The following DOCK3 variants were observed in gnomAD, a reference collection of about 807,000 sequenced individuals.
DOCK3 encodes the protein dedicator of cytokinesis protein 3.
DOCK3 carries 60 observed loss-of-function variants against 265.6 expected under a neutral mutation model. The ratio of observed to expected loss-of-function variants is 0.23; its 90% confidence interval spans 0.18 to 0.28. DOCK3 has a LOEUF of 0.28. Ranked by LOEUF, DOCK3 falls within the 10% of genes least tolerant of loss-of-function variation. The pLI is 1.00. For missense variants in DOCK3, 1,981 were observed against 2,594.3 expected (o/e 0.76, Z 5.14); for synonymous variants, 881 against 938.0 (o/e 0.94, Z 1.11).
At chr3:50,772,675 AAAC>A (rs777989873) in intron 1 of DOCK3, among the ~76,000 whole-genome samples, 2 of 152,206 alleles carry the variant, frequency 1.3e-5, no homozygotes, top group Non-Finnish European at 2.9e-5. Context: ...GAAATCAAGA[AAAC>A]AATCTCATAT....
At chr3:50,806,799 C>G (rs1236430224) in intron 2 of DOCK3, among the ~76,000 whole-genome samples, 2 of 152,100 alleles carry the variant, frequency 1.3e-5, no homozygotes, top group African/African-American at 2.4e-5. Flanking sequence ...TGGCTCTAGT[C>G]TCAAGATGGT....
chr3:51,230,173 C>G (rs2090486332), intron 19 of DOCK3, among the ~76,000 whole-genome samples: 1 of 152,096 alleles, frequency 6.6e-6, no homozygotes, highest in Non-Finnish European at 1.5e-5. Flanking sequence ...AGGTTTGTTA[C>G]GTAGATGCAT....
chr3:51,169,289 A>T (rs2086561820), intron 12 of DOCK3, among the ~76,000 whole-genome samples: 1 of 152,242 alleles, frequency 6.6e-6, no homozygotes, highest in Non-Finnish European at 1.5e-5. Flanking sequence ...ATGCACATGT[A>T]TGTTCATTGT....
At chr3:50,968,267 A>C (rs2077090655) in intron 5 of DOCK3, among the ~76,000 whole-genome samples, 1 of 152,018 alleles carries the variant, frequency 6.6e-6, no homozygotes, top group South Asian at 2.1e-4. Flanking sequence ...CCTGAGCTCA[A>C]GAAATCCTCC....
chr3:50,983,780 A>T (rs185474926), intron 5 of DOCK3, among the ~76,000 whole-genome samples: 2 of 152,280 alleles, frequency 1.3e-5, no homozygotes, highest in East Asian at 3.9e-4. Flanking sequence ...AAGAGCTATA[A>T]CACAAACAGG....
At chr3:51,134,752 G>A (rs2084717644) in intron 9 of DOCK3, among the ~76,000 whole-genome samples, 1 of 152,130 alleles carries the variant, frequency 6.6e-6, no homozygotes, top group Admixed American at 6.6e-5. Context: ...CCATGGAACC[G>A]AATTTTCCAC....
intron 22 of DOCK3, among the ~76,000 whole-genome samples, chr3:51,259,655 C>G (rs1460735722): frequency 1.3e-5 from 2 of 151,950 alleles, no homozygotes; most frequent in Non-Finnish European, 2.9e-5. Context: ...TTCTGTGACC[C>G]CTGGTGAAAA....
chr3:50,699,770 G>A (rs566449807), intron 1 of DOCK3, among the ~76,000 whole-genome samples: 30 of 152,294 alleles, frequency 2.0e-4, no homozygotes, highest in East Asian at 9.6e-4. Context: ...CAGCTATCAG[G>A]AAGGATCCAC....
At chr3:51,208,227 G>A (rs2089323866) in intron 12 of DOCK3, among the ~76,000 whole-genome samples, 1 of 152,154 alleles carries the variant, frequency 6.6e-6, no homozygotes, top group South Asian at 2.1e-4. Context: ...AGACTTCATG[G>A]TAAATCAAGC....
intron 9 of DOCK3, among the ~76,000 whole-genome samples, chr3:51,141,297 G>T (rs2085056524): frequency 5.8e-5 from 2 of 34,572 alleles, no homozygotes; most frequent in East Asian, 9.2e-4. Context: ...ATTTCCTGGA[G>T]AGTTTTTTTT....
intron 5 of DOCK3, among the ~76,000 whole-genome samples, chr3:51,031,098 CAG>C (rs1248388131): frequency 1.3e-5 from 2 of 152,216 alleles, no homozygotes; most frequent in Non-Finnish European, 2.9e-5. Flanking sequence ...CACTAGGACA[CAG>C]AAATTTTCAT....
intron 4 of DOCK3, among the ~76,000 whole-genome samples, 164 bp downstream of exon 4, chr3:50,890,245 A>G (rs981143556): frequency 2.6e-5 from 4 of 152,120 alleles, no homozygotes; most frequent in African/African-American, 7.2e-5. Context: ...TTTTCTTAAA[A>G]TACAGACTTT....
intron 1 of DOCK3, among the ~76,000 whole-genome samples, chr3:50,701,133 T>G (rs1269487840): frequency 6.6e-6 from 1 of 150,710 alleles, no homozygotes; most frequent in Non-Finnish European, 1.5e-5. Flanking sequence ...CCTTGTTTTT[T>G]TTTTTTTTTT....
intron 5 of DOCK3, among the ~76,000 whole-genome samples, chr3:51,012,041 G>T (rs1051411337): frequency 6.6e-6 from 1 of 152,124 alleles, no homozygotes; most frequent in Non-Finnish European, 1.5e-5. Context: ...CCTACTGGGG[G>T]GTCCCTCCCA....
intron 10 of DOCK3, among the ~76,000 whole-genome samples, chr3:51,155,926 G>A (rs762186759): frequency 2.0e-5 from 3 of 152,104 alleles, no homozygotes; most frequent in Non-Finnish European, 2.9e-5. Flanking sequence ...ATGAATAAAT[G>A]TTTATTTGCT....
chr3:51,214,143 T>C lies in DOCK3; in HGVS notation c.1148T>C (p.Leu383Pro), dbSNP rs779799634. 3 of 1,613,748 alleles carry C rather than the reference T, an allele frequency of 1.9e-6. No individual in the cohort carries two copies. In the African/African-American group the frequency reaches 4.0e-5, roughly 22 times the overall value. ...GCAGGTCTTATCATTTCTCTGCAGC[T>C]TCTTCGTGGAGACATGGAACAGATT... ...ASHGLIISLQ[L>P]LRGDMEQIRR... Residue 383 changes from leucine (L) to proline (P), a missense_variant, in exon 14 of 53, where the codon CTT (leucine) becomes CCT (proline). Leu to Pro is a moderately conservative substitution (Grantham distance 98). Transcript: ENST00000266037.
chr3:51,252,941 A>G (rs370548905), intron 22 of DOCK3, among the ~76,000 whole-genome samples: 4 of 152,174 alleles, frequency 2.6e-5, no homozygotes, highest in East Asian at 3.8e-4. Context: ...GTCTTGTGCC[A>G]GTTTTCAAAG....
chr3:50,988,799 G>A lies in DOCK3; in HGVS notation c.315+54722G>A, dbSNP rs560159188. Among the ~76,000 whole-genome samples the A allele has an allele frequency of 2.6e-5, 4 of 152,292 alleles. No individual in the cohort carries two copies. The East Asian group carries it at 5.8e-4, about 22-fold the overall frequency. ...TACGGAAAAGTGGCCAGACTGTTAT[G>A]TGGTCACCCATTCCCATATATCCTC... is the stretch of plus-strand genomic sequence containing the variant. On this transcript the variant is annotated intron_variant, in intron 5 of 52. Transcript: ENST00000266037.
chr3:51,040,582 A>C (rs937276997), intron 5 of DOCK3, among the ~76,000 whole-genome samples: 2 of 152,160 alleles, frequency 1.3e-5, no homozygotes, highest in Non-Finnish European at 2.9e-5. Context: ...TTAAGACAAC[A>C]AATTTGTTGC....
Sources: gnomAD v4.1 joint callset for allele counts (sites outside exome capture counted in the v4.1 genomes callset) on GRCh38, gnomAD v4.1.1 for gene constraint, MANE v1.5 for transcripts, NCBI Gene and HGNC (gene_info 2026-07-23, HGNC 2026-07-21) for gene names.